WDFY3: variants seen among roughly 807,000 people sequenced by gnomAD.
WDFY3 encodes WD repeat and FYVE domain-containing protein 3.
Under a neutral mutation model 409.6 loss-of-function variants are expected in WDFY3, and 66 were observed. The ratio of observed to expected loss-of-function variants is 0.16; its 90% CI spans 0.13 to 0.20. The LOEUF (loss-of-function observed/expected upper bound fraction) is 0.20. WDFY3 is among the 10% of genes least tolerant of loss of function. The probability of loss-of-function intolerance (pLI) is 1.00; values close to 1 mark genes in which losing one functional copy is unlikely to be tolerated. For missense variants in WDFY3, 3,031 were observed against 4,298.1 expected (o/e 0.71, Z 8.24); for synonymous variants, 1,521 against 1,537.1 (o/e 0.99, Z 0.25).
intron 3 of WDFY3, among the ~76,000 whole-genome samples, chr4:84,878,109 G>A (rs1436434176): frequency 6.6e-6 from 1 of 152,144 alleles, no homozygotes; most frequent in Non-Finnish European, 1.5e-5. Context: ...AGTTAAAACT[G>A]ATATAAATTC....
intron 51 of WDFY3, among the ~76,000 whole-genome samples, chr4:84,709,825 C>G (rs1394777621): frequency 1.3e-5 from 2 of 152,182 alleles, no homozygotes; most frequent in African/African-American, 4.8e-5. Context: ...CTCCTGGGTT[C>G]TAGTGATTCT....
rs376337657 is a variant in WDFY3, at chr4:84,690,917, C to T, written c.9205-253G>A. The stretch of plus-strand genomic sequence containing the variant: ...TGCTCATAATGGGGGTCTCTGGTTT[C>T]TCCAGATTGGGAAAGTGATGCTCAA... On this transcript the variant is annotated intron_variant, in intron 60 of 67. Coordinates refer to ENST00000295888, the MANE Select transcript of WDFY3 (RefSeq NM_014991.6). Among the ~76,000 whole-genome samples, 7 of 152,118 alleles carry T rather than the reference C, an allele frequency of 4.6e-5. No individual in the cohort carries two copies. In the East Asian group the frequency reaches 9.7e-4, roughly 21 times the overall value.
intron 3 of WDFY3, among the ~76,000 whole-genome samples, chr4:84,860,983 G>A (rs1004037719): frequency 1.3e-5 from 2 of 152,236 alleles, no homozygotes; most frequent in African/African-American, 2.4e-5. Context: ...GGCCGAGGCC[G>A]GTGAATGGCT....
In WDFY3 at chr4:84,676,906, G is replaced by C. The variant is rs1052321701; in HGVS notation, c.10457+293C>G. Reference sequence around the variant, plus strand: ...AAGGTGCAAAGAGGATACTTACAATGTATCTATAGTGTTTATAGAATCATT... The same window carrying C: ...AAGGTGCAAAGAGGATACTTACAATCTATCTATAGTGTTTATAGAATCATT... On this transcript the variant is annotated intron_variant, in intron 67 of 67. Coordinates refer to ENST00000295888, the MANE Select transcript of WDFY3 (RefSeq NM_014991.6). Among the ~76,000 whole-genome samples the C allele has an allele frequency of 7.9e-5, 12 of 152,290 alleles. No homozygotes were observed. In the South Asian group the frequency reaches 2.5e-3, roughly 32 times the overall value.
chr4:84,686,076 C>T (rs936329447), intron 62 of WDFY3, among the ~76,000 whole-genome samples: 23 of 152,202 alleles, frequency 1.5e-4, no homozygotes, highest in Admixed American at 3.3e-4. Context: ...GAGGCCGAGG[C>T]GGGCAGATCA....
chr4:84,933,079 T>C (rs1174183331), intron 1 of WDFY3, among the ~76,000 whole-genome samples: 1 of 152,194 alleles, frequency 6.6e-6, no homozygotes, highest in Non-Finnish European at 1.5e-5. Flanking sequence ...AGGAGGAGCC[T>C]GGACTAATTC....
chr4:84,938,578 T>G (rs1230807861), intron 1 of WDFY3, among the ~76,000 whole-genome samples: 2 of 152,150 alleles, frequency 1.3e-5, no homozygotes. Context: ...CATTCCAAAC[T>G]GGTTCCAGAG....
intron 65 of WDFY3, 74 bp downstream of exon 65, chr4:84,678,845 A>AC (rs1331014231): frequency 3.0e-5 from 44 of 1,488,962 alleles, no homozygotes; most frequent in Non-Finnish European, 3.7e-5. Context: ...GGAGAGCTAG[A>AC]CCCCACTGCC....
chr4:84,827,021 G>A, intron 9 of WDFY3, 40 bp from the exon 10 acceptor site: 3 of 1,579,200 alleles, frequency 1.9e-6, no homozygotes, highest in Non-Finnish European at 2.6e-6. Flanking sequence ...TTTTCTCTTT[G>A]GTTGTGTTCT....
intron 1 of WDFY3, among the ~76,000 whole-genome samples, chr4:84,947,252 C>T (rs1241331912): frequency 1.3e-5 from 2 of 151,074 alleles, no homozygotes; most frequent in African/African-American, 4.9e-5. Flanking sequence ...GTGACTTATG[C>T]CTGTAATCCT....
rs1334040992 is a variant in WDFY3, at chr4:84,795,784, ACT to A, written c.3167+735_3167+736del. 2.0e-5 allele frequency among the ~76,000 whole-genome samples: 3 copies of A among 151,570 alleles called. No individual in the cohort carries two copies. The East Asian group carries it at 5.8e-4, about 29-fold the overall frequency. The stretch of plus-strand genomic sequence containing the variant: ...CTCAAAAGGAAAAAAAAAAAACAAA[ACT>A]CTAATAGCTAACAGATCTAGCTACC... On this transcript the variant is annotated intron_variant, in intron 19 of 67. Coordinates refer to ENST00000295888, the MANE Select transcript of WDFY3 (RefSeq NM_014991.6).
intron 18 of WDFY3, among the ~76,000 whole-genome samples, chr4:84,797,535 C>T (rs1749669830): frequency 6.6e-6 from 1 of 151,568 alleles, no homozygotes; most frequent in African/African-American, 2.4e-5. Flanking sequence ...CTACTCTTAG[C>T]AAAGGAAATC....
chr4:84,960,208 T>C (rs992982356), intron 1 of WDFY3, among the ~76,000 whole-genome samples: 2 of 152,198 alleles, frequency 1.3e-5, no homozygotes, highest in African/African-American at 4.8e-5. Flanking sequence ...CTCTCATCTC[T>C]GGATAACTGC....
chr4:84,904,341 A>C (rs1387859038), intron 2 of WDFY3, among the ~76,000 whole-genome samples: 1 of 152,090 alleles, frequency 6.6e-6, no homozygotes, highest in African/African-American at 2.4e-5. Context: ...CCTGGGTTCA[A>C]GGGATTCTCC....
chr4:84,808,867 C>A (rs1179522084), intron 14 of WDFY3: 1 of 151,036 alleles, frequency 6.6e-6, no homozygotes, highest in Non-Finnish European at 1.5e-5. Flanking sequence ...TTTTTTTTTA[C>A]AATTGTTGTC....
intron 3 of WDFY3, among the ~76,000 whole-genome samples, chr4:84,882,330 G>C (rs1293776669): frequency 6.6e-6 from 1 of 152,140 alleles, no homozygotes; most frequent in Non-Finnish European, 1.5e-5. Context: ...CCTTGAAGAT[G>C]AATCTGGCGT....
At chr4:84,715,254 T>C (rs1733661465) in intron 50 of WDFY3, 44 bp downstream of exon 50, 2 of 1,126,660 alleles carry the variant, frequency 1.8e-6, no homozygotes, top group South Asian at 1.5e-5. Context: ...CCCCCTCCCA[T>C]ATCTTCCCAT....
chr4:84,814,885 G>A (rs1163236985), intron 13 of WDFY3, among the ~76,000 whole-genome samples: 1 of 151,986 alleles, frequency 6.6e-6, no homozygotes, highest in Non-Finnish European at 1.5e-5. Context: ...TTTCTGGGGG[G>A]TCTTAGAATG....
chr4:84,820,118 T>C lies in WDFY3; in HGVS notation c.1660A>G (p.Thr554Ala). 6.2e-7 allele frequency: 1 copy of C among 1,606,760 alleles called. No individual in the cohort carries two copies. Among genetic ancestry groups the C allele is most frequent in the African/African-American group, 1.3e-5 (1 of 74,730 alleles). Reference sequence around the variant, plus strand: ...GTGTTTGATCCTTGAAGAAGCACTGTCAAGGTCTCCATAACCAATAAAGCC... The same window carrying C: ...GTGTTTGATCCTTGAAGAAGCACTGCCAAGGTCTCCATAACCAATAAAGCC... ...HLALLVMETL[T>A]VLLQGSNTNA... The change falls in exon 12 of 68, where the codon ACA (threonine) becomes GCA (alanine). Residue 554 changes from threonine to alanine, a missense_variant. Physicochemically the swap from Thr to Ala is moderately conservative, Grantham distance 58. This residue lies in a region of WDFY3 where 1,322 missense variants were observed against 1,697.9 expected (regional missense o/e 0.78). Coordinates refer to ENST00000295888, the MANE Select transcript of WDFY3 (RefSeq NM_014991.6).
Sources: allele counts gnomAD v4.1 joint callset (sites outside exome capture counted in the v4.1 genomes callset), GRCh38; gene constraint gnomAD v4.1.1; regional missense constraint gnomAD v4.1.1; transcripts MANE v1.5; gene names NCBI Gene and HGNC (gene_info 2026-07-23, HGNC 2026-07-21).